The following AGBL1 variants were observed in gnomAD, a reference collection of about 807,000 sequenced individuals.
The protein encoded by AGBL1 is cytosolic carboxypeptidase 4.
AGBL1 carries 130 observed loss-of-function variants against 118.9 expected under a neutral mutation model. The ratio of observed to expected loss-of-function variants is 1.09; its 90% CI spans 0.95 to 1.26. The LOEUF is 1.26. Ranked by LOEUF, AGBL1 falls within the 50% of genes most tolerant of loss-of-function variation. The pLI is 0.00. For synonymous variants in AGBL1, 555 were observed against 478.9 expected (o/e 1.16, Z -2.08); for missense variants, 1,584 against 1,298.1 (o/e 1.22, Z -3.38).
At chr15:86,953,498 C>T (rs1033865603) in intron 23 of AGBL1, among the ~76,000 whole-genome samples, 3 of 151,522 alleles carry the variant, frequency 2.0e-5, no homozygotes, top group Admixed American at 6.6e-5. Flanking sequence ...TGAAGCAATC[C>T]TCCCACCTCA....
At chr15:86,261,308 G>T (rs1324453890) in intron 9 of AGBL1, among the ~76,000 whole-genome samples, 1 of 152,174 alleles carries the variant, frequency 6.6e-6, no homozygotes, top group Non-Finnish European at 1.5e-5. Flanking sequence ...GGCTGAGGTT[G>T]CAGTGGAGGG....
At chr15:86,416,518 C>A (rs1287078355) in intron 18 of AGBL1, among the ~76,000 whole-genome samples, 1 of 152,046 alleles carries the variant, frequency 6.6e-6, no homozygotes, top group Non-Finnish European at 1.5e-5. Context: ...CTCCTTTCAG[C>A]AGTAATCAGG....
intron 18 of AGBL1, among the ~76,000 whole-genome samples, chr15:86,428,373 A>G (rs779631211): frequency 1.3e-5 from 2 of 152,212 alleles, no homozygotes; most frequent in South Asian, 2.1e-4. Flanking sequence ...GGGGAAATAT[A>G]TTAAAGAGGA....
chr15:86,296,597 T>G (rs2141781010), intron 17 of AGBL1: 1 of 152,350 alleles, frequency 6.6e-6, no homozygotes, highest in South Asian at 2.1e-4. Flanking sequence ...TTATATTTTC[T>G]CACACCCCAT....
chr15:86,674,763 A>T (rs1567115969), intron 22 of AGBL1, among the ~76,000 whole-genome samples: 1 of 152,192 alleles, frequency 6.6e-6, no homozygotes, highest in Non-Finnish European at 1.5e-5. Context: ...ATGTATACAG[A>T]TAACATTTTT....
At chr15:86,812,663 C>G (rs1021780881) in intron 22 of AGBL1, among the ~76,000 whole-genome samples, 1 of 152,158 alleles carries the variant, frequency 6.6e-6, no homozygotes, top group African/African-American at 2.4e-5. Context: ...CACAGTAGAT[C>G]TGCAATGCAC....
chr15:86,681,850 G>A (rs565630277), intron 22 of AGBL1, among the ~76,000 whole-genome samples: 5 of 152,256 alleles, frequency 3.3e-5, no homozygotes, highest in African/African-American at 1.2e-4. Flanking sequence ...GAGCAGGCAT[G>A]GAGAAGTGAA....
chr15:86,840,537 C>T (rs2079230374), intron 22 of AGBL1, among the ~76,000 whole-genome samples: 1 of 152,144 alleles, frequency 6.6e-6, no homozygotes, highest in Non-Finnish European at 1.5e-5. Context: ...CCTCCGCCTC[C>T]GTGGTTCAAG....
chr15:86,464,547 G>T (rs2082375472), intron 18 of AGBL1, among the ~76,000 whole-genome samples: 1 of 152,158 alleles, frequency 6.6e-6, no homozygotes, highest in Admixed American at 6.6e-5. Flanking sequence ...TCCAGCTTTT[G>T]CCCATTCAGT....
At chr15:86,731,084 G>A (rs1014522251) in intron 22 of AGBL1, among the ~76,000 whole-genome samples, 4 of 152,118 alleles carry the variant, frequency 2.6e-5, no homozygotes, top group African/African-American at 9.7e-5. Flanking sequence ...GCCCGTCTTG[G>A]CCTCCCAAAG....
At chr15:86,505,037 C>A (rs557942618) in intron 18 of AGBL1, among the ~76,000 whole-genome samples, 19 of 151,616 alleles carry the variant, frequency 1.3e-4, no homozygotes, top group African/African-American at 2.9e-4. Context: ...GTATAGAATT[C>A]TTGATGTTCA....
At chr15:86,711,547 G>A (rs1211493375) in intron 22 of AGBL1, among the ~76,000 whole-genome samples, 1 of 152,168 alleles carries the variant, frequency 6.6e-6, no homozygotes, top group African/African-American at 2.4e-5. Flanking sequence ...TCCAAGAACT[G>A]CTAGCCCTTA....
chr15:86,737,869 T>G (rs1268390946), intron 22 of AGBL1, among the ~76,000 whole-genome samples: 1 of 152,156 alleles, frequency 6.6e-6, no homozygotes, highest in Non-Finnish European at 1.5e-5. Context: ...CTTTTTCTGA[T>G]AAACATAGAT....
intron 1 of AGBL1, among the ~76,000 whole-genome samples, chr15:86,085,658 T>G (rs1262404225): frequency 6.6e-6 from 1 of 152,176 alleles, no homozygotes; most frequent in Admixed American, 6.5e-5. Context: ...CTCCTGTCGC[T>G]TACCTCATCC....
At chr15:86,844,615 T>G (rs1272511534) in intron 22 of AGBL1, among the ~76,000 whole-genome samples, 1 of 152,190 alleles carries the variant, frequency 6.6e-6, no homozygotes, top group African/African-American at 2.4e-5. Context: ...TACAAATTTT[T>G]TGTCAGATGC....
At chr15:86,970,239 AAAAG>A (rs1025284874) in intron 23 of AGBL1, among the ~76,000 whole-genome samples, 4 of 151,906 alleles carry the variant, frequency 2.6e-5, no homozygotes, top group African/African-American at 4.8e-5. Context: ...GGAGGCAGGA[AAAAG>A]AAAGAAACCC....
intron 21 of AGBL1, among the ~76,000 whole-genome samples, chr15:86,640,491 G>A (rs1048681491): frequency 1.3e-5 from 2 of 151,904 alleles, no homozygotes; most frequent in Admixed American, 6.6e-5. Context: ...GGTAGTTATG[G>A]GTATAAAGAT....
intron 17 of AGBL1, among the ~76,000 whole-genome samples, chr15:86,332,830 A>G (rs1296679692): frequency 6.6e-6 from 1 of 152,110 alleles, no homozygotes; most frequent in East Asian, 1.9e-4. Context: ...TAAATTAAAA[A>G]CACTAGAAAT....
chr15:86,203,350 T>C (rs1457783976), intron 5 of AGBL1, among the ~76,000 whole-genome samples: 2 of 152,228 alleles, frequency 1.3e-5, no homozygotes, highest in South Asian at 2.1e-4. Context: ...ACCAAAAATA[T>C]ATAGAAAACT....
Sources: gnomAD v4.1 joint callset for allele counts (sites outside exome capture counted in the v4.1 genomes callset) on GRCh38, gnomAD v4.1.1 for gene constraint, MANE v1.5 for transcripts, NCBI Gene and HGNC (gene_info 2026-07-23, HGNC 2026-07-21) for gene names.